MAGI1: variants seen among roughly 807,000 people sequenced by gnomAD.
MAGI1 encodes membrane-associated guanylate kinase, WW and PDZ domain-containing protein 1.
MAGI1 carries 58 observed loss-of-function variants against 139.9 expected under a neutral mutation model. The ratio of observed to expected loss-of-function variants is 0.41; its 90% CI spans 0.34 to 0.52. The LOEUF (loss-of-function observed/expected upper bound fraction) is 0.52. Among genes scored for constraint, MAGI1 ranks in the 20% least tolerant of loss-of-function variants. MAGI1 has a pLI of 0.12. For missense variants in MAGI1, 1,874 were observed against 1,901.6 expected (o/e 0.99, Z 0.27); for synonymous variants, 812 against 737.9 (o/e 1.10, Z -1.63).
At chr3:65,608,413 C>T (rs1449082972) in intron 2 of MAGI1, among the ~76,000 whole-genome samples, 2 of 150,784 alleles carry the variant, frequency 1.3e-5, no homozygotes, top group Admixed American at 6.6e-5. Flanking sequence ...CCAGCCTGGG[C>T]AACAAGAGTG....
At chr3:65,493,148 T>C (rs1186370144) in intron 3 of MAGI1, among the ~76,000 whole-genome samples, 1 of 150,836 alleles carries the variant, frequency 6.6e-6, no homozygotes, top group South Asian at 2.1e-4. Flanking sequence ...AGTAGGAAAG[T>C]GATATTTTAT....
chr3:65,594,687 A>G (rs1027538433), intron 2 of MAGI1, among the ~76,000 whole-genome samples: 5 of 152,168 alleles, frequency 3.3e-5, no homozygotes, highest in African/African-American at 9.7e-5. Context: ...TTTTTTTTTC[A>G]AAGGAAAAAA....
In MAGI1 at chr3:65,377,343, T is replaced by C. The variant is rs150634913; in HGVS notation, c.2996-1398A>G. ...AGTTGATCTCCAAGGACAATTGGTA[T>C]AACAAAGGTATCGAACAGCAGGTCT... On this transcript the variant is annotated intron_variant, in intron 17 of 22. Transcript: ENST00000402939. Among the ~76,000 whole-genome samples the C allele has an allele frequency of 5.2e-4, 79 of 152,326 alleles. No homozygotes were observed. In the East Asian group the frequency reaches 0.012, roughly 24 times the overall value.
intron 1 of MAGI1, among the ~76,000 whole-genome samples, chr3:65,898,797 G>A (rs1347602214): frequency 6.6e-6 from 1 of 152,098 alleles, no homozygotes; most frequent in Non-Finnish European, 1.5e-5. Flanking sequence ...AGATGGATAT[G>A]CTAATTACCC....
At chr3:65,389,330 A>C (rs1943707646) in intron 14 of MAGI1, among the ~76,000 whole-genome samples, 1 of 152,178 alleles carries the variant, frequency 6.6e-6, no homozygotes, top group South Asian at 2.1e-4. Context: ...AGAGCCTTCT[A>C]TTAAACGGAT....
chr3:65,536,109 G>T (rs970647080), intron 2 of MAGI1, among the ~76,000 whole-genome samples: 2 of 152,130 alleles, frequency 1.3e-5, no homozygotes, highest in African/African-American at 4.8e-5. Context: ...ACACTTATAC[G>T]TTTTCCCCTG....
At chr3:66,009,210 G>C (rs6785925) in intron 1 of MAGI1, 25,262 of 152,268 alleles carry the variant, frequency 0.17, 2,987 homozygotes, top group African/African-American at 0.32. Flanking sequence ...TAGTACTTCA[G>C]ATTCTTAAAA....
chr3:65,631,660 A>G (rs1349116801), intron 1 of MAGI1, among the ~76,000 whole-genome samples: 1 of 152,132 alleles, frequency 6.6e-6, no homozygotes, highest in East Asian at 1.9e-4. Flanking sequence ...TTCCAGCTTT[A>G]TTTTAAATAG....
chr3:65,776,078 A>C (rs1382496288), intron 1 of MAGI1, among the ~76,000 whole-genome samples: 2 of 152,188 alleles, frequency 1.3e-5, no homozygotes, highest in South Asian at 4.1e-4. Context: ...ATAAATTACT[A>C]TAAGAATTTT....
chr3:65,515,059 G>A (rs1247176883), intron 2 of MAGI1, among the ~76,000 whole-genome samples: 3 of 142,098 alleles, frequency 2.1e-5, no homozygotes, highest in Admixed American at 7.3e-5. Flanking sequence ...TATCGCAAGA[G>A]CAAAAAACCA....
intron 1 of MAGI1, among the ~76,000 whole-genome samples, chr3:65,694,049 A>C (rs2088924478): frequency 6.6e-6 from 1 of 152,162 alleles, no homozygotes; most frequent in Non-Finnish European, 1.5e-5. Context: ...GAGGACCAAA[A>C]AAATGAGTAA....
At chr3:65,714,581 T>C (rs187038917) in intron 1 of MAGI1, among the ~76,000 whole-genome samples, 1 of 152,202 alleles carries the variant, frequency 6.6e-6, no homozygotes. Flanking sequence ...AAGAGTCTCA[T>C]GTTGGTTGCC....
intron 2 of MAGI1, among the ~76,000 whole-genome samples, chr3:65,508,199 C>G (rs955660996): frequency 5.3e-5 from 8 of 152,230 alleles, no homozygotes; most frequent in African/African-American, 1.4e-4. Flanking sequence ...GTCAGGAGAT[C>G]AACACCATCC....
chr3:65,729,122 G>GGGC (rs1163467000), intron 1 of MAGI1, among the ~76,000 whole-genome samples: 1 of 6,138 alleles, frequency 1.6e-4, no homozygotes, highest in African/African-American at 1.7e-3. Context: ...AAATGGAACG[G>GGGC]GGGGGGGGGG....
intron 2 of MAGI1, among the ~76,000 whole-genome samples, chr3:65,570,625 T>C (rs2080912375): frequency 6.6e-6 from 1 of 152,162 alleles, no homozygotes; most frequent in Admixed American, 6.5e-5. Context: ...TGCTACAAAA[T>C]AATTCGGTGG....
At chr3:65,918,303 A>G (rs1306400161) in intron 1 of MAGI1, among the ~76,000 whole-genome samples, 1 of 150,670 alleles carries the variant, frequency 6.6e-6, no homozygotes, top group Non-Finnish European at 1.5e-5. Context: ...TCTGCACTCT[A>G]CTTTTGCTTC....
At chr3:65,680,780 TATG>T (rs2087534039) in intron 1 of MAGI1, among the ~76,000 whole-genome samples, 1 of 136,042 alleles carries the variant, frequency 7.4e-6, no homozygotes, top group South Asian at 2.1e-4. Flanking sequence ...TATGATATGA[TATG>T]ATATGATATG....
intron 3 of MAGI1, among the ~76,000 whole-genome samples, chr3:65,479,086 A>C (rs1951080204): frequency 6.6e-6 from 1 of 152,198 alleles, no homozygotes; most frequent in Non-Finnish European, 1.5e-5. Context: ...TCCTCATTAC[A>C]TTTGAATATC....
At chr3:65,567,786 T>C (rs917336337) in intron 2 of MAGI1, among the ~76,000 whole-genome samples, 3 of 152,008 alleles carry the variant, frequency 2.0e-5, no homozygotes, top group African/African-American at 7.3e-5. Context: ...CAGTGAGCCA[T>C]GATCATGCCA....
Sources: allele counts gnomAD v4.1 joint callset (sites outside exome capture counted in the v4.1 genomes callset), GRCh38; gene constraint gnomAD v4.1.1; transcripts MANE v1.5; gene names NCBI Gene and HGNC (gene_info 2026-07-23, HGNC 2026-07-21).